The following GRIA2 variants were observed in gnomAD, a reference collection of about 807,000 sequenced individuals.
GRIA2 encodes glutamate ionotropic receptor AMPA type subunit 2.
Under a neutral mutation model 97.3 loss-of-function variants are expected in GRIA2, and 14 were observed. That is an observed-to-expected ratio of 0.14 (90% confidence interval 0.10 to 0.23). GRIA2 has a LOEUF of 0.23. Ranked by LOEUF, GRIA2 falls within the 10% of genes least tolerant of loss-of-function variation. The pLI, the probability that GRIA2 is intolerant of heterozygous loss-of-function variation, is 1.00. For synonymous variants in GRIA2, 412 were observed against 387.8 expected (o/e 1.06, Z -0.73); for missense variants, 558 against 1,069.8 (o/e 0.52, Z 6.67).
At chr4:157,245,992 AT>A (rs997570234) in intron 2 of GRIA2, among the ~76,000 whole-genome samples, 2 of 151,898 alleles carry the variant, frequency 1.3e-5, no homozygotes, top group African/African-American at 2.4e-5. Flanking sequence ...CCTCATTCCA[AT>A]TTTTTTCTGA....
At chr4:157,354,073 A>G (rs544245721) in intron 12 of GRIA2, among the ~76,000 whole-genome samples, 18 of 152,316 alleles carry the variant, frequency 1.2e-4, no homozygotes, top group African/African-American at 3.8e-4. Context: ...CATGGAATTG[A>G]CAGTTTGAAT....
At chr4:157,250,531 G>T (rs1049698036) in intron 2 of GRIA2, among the ~76,000 whole-genome samples, 1 of 152,008 alleles carries the variant, frequency 6.6e-6, no homozygotes, top group Non-Finnish European at 1.5e-5. Context: ...CTTTTCATTC[G>T]TTCCTAAATG....
In GRIA2 at chr4:157,335,664, C is replaced by T; in HGVS notation, c.1267-7C>T. On this transcript the variant is annotated splice_polypyrimidine_tract_variant and splice_region_variant and intron_variant, in intron 9 of 15. Coordinates refer to ENST00000264426, the MANE Select transcript of GRIA2 (RefSeq NM_001083619.3). ...TTAATCAGCTAAAGCAAAGTCTTTT[C>T]ATATAGGAATCTCCGTATGTTATGA... The T allele has an allele frequency of 6.4e-7, 1 of 1,553,632 alleles. No individual in the cohort carries two copies. Among genetic ancestry groups the T allele is most frequent in the Non-Finnish European group, 8.9e-7 (1 of 1,125,438 alleles).
intron 2 of GRIA2, among the ~76,000 whole-genome samples, chr4:157,240,944 G>C (rs1444225161): frequency 1.3e-5 from 2 of 151,376 alleles, no homozygotes; most frequent in Admixed American, 6.6e-5. Flanking sequence ...CCACCTATGA[G>C]TGAGAATATG....
rs1736627589 is a variant in GRIA2 at position 157,361,467 on chromosome 4, G to A, written c.2406+343G>A. 2.6e-6 allele frequency: 3 copies of A among 1,168,420 alleles called. No homozygotes were observed. The highest frequency in any genetic ancestry group is 3.1e-5 in the African/African-American group (2 of 64,758). The allele number at this position is 1,168,420 out of a possible 1,614,324, so 72.4% of individuals were successfully genotyped here. A position where few individuals can be genotyped will look rare whatever the true frequency, so the allele number is the denominator to read the frequency against. ...TGACTATCGCTCTTACAAAGCTCTT[G>A]AATCAGTATTATGTAATGAATAACA... On this transcript the variant is annotated intron_variant, in intron 14 of 15. Coordinates refer to ENST00000264426, the MANE Select transcript of GRIA2 (RefSeq NM_001083619.3). The surrounding 1 kb of genome is among the most constrained non-coding windows in gnomAD (Gnocchi z 5.2).
intron 2 of GRIA2, among the ~76,000 whole-genome samples, chr4:157,286,700 T>C (rs957924422): frequency 2.0e-5 from 3 of 151,548 alleles, no homozygotes; most frequent in Non-Finnish European, 4.4e-5. Flanking sequence ...TGGTTGATTT[T>C]GGTATTTTAG....
chr4:157,329,485 G>A (rs1181709038), intron 6 of GRIA2, among the ~76,000 whole-genome samples: 1 of 151,844 alleles, frequency 6.6e-6, no homozygotes, highest in African/African-American at 2.4e-5. Flanking sequence ...TTCAAAATTG[G>A]TCATTAATTT....
intron 6 of GRIA2, among the ~76,000 whole-genome samples, chr4:157,329,438 C>T (rs1734951568): frequency 6.6e-6 from 1 of 151,812 alleles, no homozygotes; most frequent in South Asian, 2.1e-4. Flanking sequence ...TTACATAAAA[C>T]ACTATTCTTA....
chr4:157,268,390 C>G (rs1254023081), intron 2 of GRIA2, among the ~76,000 whole-genome samples: 2 of 151,834 alleles, frequency 1.3e-5, no homozygotes, highest in South Asian at 4.1e-4. Context: ...TGTGGCTTAC[C>G]TAAATGTGTG....
chr4:157,343,883 T>C (rs1169617987), intron 12 of GRIA2, among the ~76,000 whole-genome samples: 3 of 152,126 alleles, frequency 2.0e-5, no homozygotes, highest in African/African-American at 7.2e-5. Flanking sequence ...TGAGTAATTT[T>C]GAGCAATTTT....
In GRIA2 at chr4:157,264,206, A is replaced by AT. The variant is rs1474334778; in HGVS notation, c.230-39346_230-39345insT. On this transcript the variant is annotated intron_variant, in intron 2 of 15. Coordinates refer to ENST00000264426, the MANE Select transcript of GRIA2 (RefSeq NM_001083619.3). ...CAAATTACTACAAACCGTGATTTAT[A>AT]ACAATACAAATCTATTATTTTACAG... Among the ~76,000 whole-genome samples, 8 of 152,224 alleles carry AT rather than the reference A, an allele frequency of 5.3e-5. No individual in the cohort carries two copies. The East Asian group carries it at 1.6e-3, about 30-fold the overall frequency.
At chr4:157,353,104 G>C (rs1451829093) in intron 12 of GRIA2, among the ~76,000 whole-genome samples, 1 of 152,060 alleles carries the variant, frequency 6.6e-6, no homozygotes, top group Non-Finnish European at 1.5e-5. Flanking sequence ...TGTAATCCCA[G>C]CACTTTGGGA....
chr4:157,338,008 GTATATATATATATATATATA>G (rs70958818), intron 11 of GRIA2, among the ~76,000 whole-genome samples: 18 of 79,358 alleles, frequency 2.3e-4, no homozygotes, highest in Admixed American at 1.1e-3. Flanking sequence ...ATATATATGT[GTATATATATATATATATATA>G]TATATATATA....
At chr4:157,233,930 A>C (rs924753622) in intron 2 of GRIA2, among the ~76,000 whole-genome samples, 1 of 152,166 alleles carries the variant, frequency 6.6e-6, no homozygotes, top group African/African-American at 2.4e-5. Context: ...AGCTGCTATA[A>C]ATTTGTGGAG....
At chr4:157,358,968 C>T (rs1736516812) in intron 12 of GRIA2, among the ~76,000 whole-genome samples, 1 of 152,094 alleles carries the variant, frequency 6.6e-6, no homozygotes, top group South Asian at 2.1e-4. Flanking sequence ...TCATTTCAAA[C>T]TTACTAAATT....
chr4:157,326,286 C>T (rs1400184980), intron 6 of GRIA2, among the ~76,000 whole-genome samples: 1 of 152,174 alleles, frequency 6.6e-6, no homozygotes, highest in African/African-American at 2.4e-5. Flanking sequence ...ATCTTGCCAC[C>T]ATCAGGGTTT....
At chr4:157,277,273 A>G (rs969929465) in intron 2 of GRIA2, among the ~76,000 whole-genome samples, 2 of 151,922 alleles carry the variant, frequency 1.3e-5, no homozygotes, top group South Asian at 2.1e-4. Flanking sequence ...TCAACAAACT[A>G]AAAAAGAAAG....
chr4:157,280,869 A>G (rs1732561675), intron 2 of GRIA2, among the ~76,000 whole-genome samples: 1 of 152,022 alleles, frequency 6.6e-6, no homozygotes, highest in Non-Finnish European at 1.5e-5. Context: ...ATTTAGTAAC[A>G]GTCTATTGTG....
At chr4:157,227,583 G>A (rs922555485) in intron 2 of GRIA2, among the ~76,000 whole-genome samples, 17 of 152,162 alleles carry the variant, frequency 1.1e-4, no homozygotes, top group African/African-American at 4.1e-4. Flanking sequence ...ATTTTCTTAT[G>A]TGAGCAGAGA....
Sources: allele counts gnomAD v4.1 joint callset (sites outside exome capture counted in the v4.1 genomes callset), GRCh38; gene constraint gnomAD v4.1.1; non-coding constraint Gnocchi (gnomAD v3.1); transcripts MANE v1.5; gene names NCBI Gene and HGNC (gene_info 2026-07-23, HGNC 2026-07-21).